The following ANKS1B variants were observed in gnomAD, a reference collection of about 807,000 sequenced individuals.
ANKS1B encodes ankyrin repeat and sterile alpha motif domain-containing protein 1B.
ANKS1B carries 36 observed loss-of-function variants against 148.3 expected under a neutral mutation model. The observed-to-expected ratio is 0.24, with a 90% confidence interval of 0.19 to 0.32. The LOEUF (loss-of-function observed/expected upper bound fraction) is 0.32. ANKS1B is among the 10% of genes least tolerant of loss of function. ANKS1B has a pLI of 1.00. For missense variants in ANKS1B, 1,157 were observed against 1,542.6 expected (o/e 0.75, Z 4.19); for synonymous variants, 542 against 560.8 (o/e 0.97, Z 0.47).
At chr12:99,776,075 C>T (rs2063619530) in intron 6 of ANKS1B, among the ~76,000 whole-genome samples, 1 of 152,084 alleles carries the variant, frequency 6.6e-6, no homozygotes. Context: ...AGATGGATAC[C>T]ACAACCAGCC....
rs75402926 is a variant in ANKS1B at position 99,504,881 on chromosome 12, T to C, written c.1273-240A>G. ...GAATTAGTAAAGGTATTGCCCTTTT[T>C]TGTAATATATATCTATTATCTAGTT... is the stretch of plus-strand genomic sequence containing the variant. On this transcript the variant is annotated intron_variant, in intron 9 of 26. Transcript: ENST00000683438. Among the ~76,000 whole-genome samples the C allele has an allele frequency of 7.9e-3, 1,210 of 152,232 alleles. 11 individuals carry two copies. Among genetic ancestry groups the C allele is most frequent in the African/African-American group, 0.027 (1,128 of 41,536 alleles).
rs78296351 is a variant in ANKS1B, at chr12:98,948,125, G to A, written c.2778+105032C>T. Among the ~76,000 whole-genome samples the A allele has an allele frequency of 5.2e-3, 789 of 151,808 alleles. 1 individual carries two copies. Among genetic ancestry groups the A allele is most frequent in the Middle Eastern group, 0.01 (3 of 290 alleles). ...GCAGAACCTGCTGTTAGCCTCTTGTGCTGGTATTACTTTTGTTGCTGTAAT... is the reference window on the plus strand; with the variant it reads ...GCAGAACCTGCTGTTAGCCTCTTGTACTGGTATTACTTTTGTTGCTGTAAT... On this transcript the variant is annotated intron_variant, in intron 17 of 26. Coordinates refer to ENST00000683438, the MANE Select transcript of ANKS1B (RefSeq NM_001352186.2).
At chr12:99,544,127 TAA>T (rs149401816) in intron 9 of ANKS1B, among the ~76,000 whole-genome samples, 1 of 151,510 alleles carries the variant, frequency 6.6e-6, no homozygotes, top group Admixed American at 6.6e-5. Context: ...TAAAATTCTT[TAA>T]AAAAAAACTA....
At chr12:98,793,021 A>AT (rs2098901251) in intron 22 of ANKS1B, among the ~76,000 whole-genome samples, 1 of 152,228 alleles carries the variant, frequency 6.6e-6, no homozygotes, top group African/African-American at 2.4e-5. Flanking sequence ...TCTCTTTCTA[A>AT]TTTTTTGAGA....
chr12:99,252,188 A>G (rs1244842586), intron 12 of ANKS1B, among the ~76,000 whole-genome samples: 1 of 152,242 alleles, frequency 6.6e-6, no homozygotes, highest in Non-Finnish European at 1.5e-5. Context: ...TTCAAGGCAT[A>G]GGAAAGAAGA....
At chr12:98,854,210 C>G (rs1319891568) in intron 17 of ANKS1B, among the ~76,000 whole-genome samples, 1 of 152,186 alleles carries the variant, frequency 6.6e-6, no homozygotes, top group Non-Finnish European at 1.5e-5. Flanking sequence ...TAATGTAGAC[C>G]AGGAAAGTGT....
At chr12:98,834,073 C>T (rs978342767) in intron 17 of ANKS1B, among the ~76,000 whole-genome samples, 26 of 152,162 alleles carry the variant, frequency 1.7e-4, no homozygotes, top group African/African-American at 6.3e-4. Flanking sequence ...ACCCTCTGAC[C>T]CATGTCTGTT....
At chr12:99,313,464 C>T (rs1447110483) in intron 12 of ANKS1B, among the ~76,000 whole-genome samples, 1 of 151,810 alleles carries the variant, frequency 6.6e-6, no homozygotes, top group Non-Finnish European at 1.5e-5. Flanking sequence ...GACACAACAA[C>T]AACAAAAAAC....
chr12:99,633,566 A>G (rs1355056344), intron 9 of ANKS1B, among the ~76,000 whole-genome samples: 4 of 152,228 alleles, frequency 2.6e-5, no homozygotes. Flanking sequence ...CATTCAGGAC[A>G]TAGGCATGGG....
At chr12:99,646,432 C>A (rs1051993232) in intron 9 of ANKS1B, among the ~76,000 whole-genome samples, 2 of 151,934 alleles carry the variant, frequency 1.3e-5, no homozygotes, top group African/African-American at 2.4e-5. Context: ...CCAAGGCGGG[C>A]GAATCACGAG....
At chr12:99,836,349 TA>T (rs1406374908) in intron 1 of ANKS1B, among the ~76,000 whole-genome samples, 5 of 152,022 alleles carry the variant, frequency 3.3e-5, no homozygotes, top group Non-Finnish European at 7.4e-5. Context: ...ATAATAGATC[TA>T]GTATACAGTC....
At chr12:98,985,296 T>G (rs1159582522) in intron 17 of ANKS1B, among the ~76,000 whole-genome samples, 1 of 152,096 alleles carries the variant, frequency 6.6e-6, no homozygotes, top group Non-Finnish European at 1.5e-5. Context: ...AATTTTTTTT[T>G]GCAGAGAAGA....
intron 17 of ANKS1B, among the ~76,000 whole-genome samples, chr12:99,010,760 A>ATTTTTT (rs970348105): frequency 3.0e-5 from 4 of 132,688 alleles, no homozygotes; most frequent in African/African-American, 9.3e-5. Context: ...TATTATTATT[A>ATTTTTT]TTTTTTTTTG....
At position 99,651,117 on chromosome 12, in the gene ANKS1B, A is replaced by C. The variant is rs187891689; in HGVS notation, c.1272+3950T>G. ...ACATAGTACTGTACTAATTGTACAG[A>C]TCCCAAAGGCCCCTGTATATATTGT... On this transcript the variant is annotated intron_variant, in intron 9 of 26. Transcript: ENST00000683438. Among the ~76,000 whole-genome samples the C allele has an allele frequency of 1.3e-5, 2 of 152,294 alleles. 1 individual carries two copies. Among genetic ancestry groups the C allele is most frequent in the Admixed American group, 1.3e-4 (2 of 15,302 alleles).
intron 15 of ANKS1B, among the ~76,000 whole-genome samples, chr12:99,148,509 G>T (rs534484750): frequency 4.0e-5 from 6 of 151,744 alleles, no homozygotes; most frequent in South Asian, 2.1e-4. Flanking sequence ...ATCAGTATTC[G>T]TGCAAGGCTA....
intron 1 of ANKS1B, among the ~76,000 whole-genome samples, chr12:99,935,966 A>G (rs746622019): frequency 1.3e-5 from 2 of 152,184 alleles, no homozygotes; most frequent in Admixed American, 6.5e-5. Context: ...ACTTACAATC[A>G]TGGCAGAAGG....
chr12:99,552,745 C>T (rs1298478382), intron 9 of ANKS1B, among the ~76,000 whole-genome samples: 1 of 152,124 alleles, frequency 6.6e-6, no homozygotes, highest in East Asian at 1.9e-4. Flanking sequence ...CCAAAATTCA[C>T]AAATGTGCAA....
intron 9 of ANKS1B, among the ~76,000 whole-genome samples, chr12:99,539,694 T>A (rs999129112): frequency 4.6e-5 from 7 of 152,188 alleles, no homozygotes; most frequent in Non-Finnish European, 1.0e-4. Context: ...AACAAAGAGA[T>A]GAGCAGAATG....
At chr12:99,795,592 C>G (rs1167109216) in intron 4 of ANKS1B, among the ~76,000 whole-genome samples, 1 of 151,920 alleles carries the variant, frequency 6.6e-6, no homozygotes, top group Non-Finnish European at 1.5e-5. Flanking sequence ...TAAATCTAAA[C>G]AAATATTTAA....
Sources: gnomAD v4.1 joint callset for allele counts (sites outside exome capture counted in the v4.1 genomes callset) on GRCh38, gnomAD v4.1.1 for gene constraint, MANE v1.5 for transcripts, NCBI Gene and HGNC (gene_info 2026-07-23, HGNC 2026-07-21) for gene names.